Variants in ACVR1 observed in about 807,000 individuals in gnomAD.
ACVR1 encodes the protein activin A receptor type 1, also known as activin receptor type-1.
ACVR1 carries 38 observed loss-of-function variants against 57.1 expected under a neutral mutation model. The observed-to-expected ratio is 0.67, with a 90% CI of 0.51 to 0.87. ACVR1 has a LOEUF of 0.87. ACVR1 is among the 40% of genes least tolerant of loss of function. The pLI is 0.00. For missense variants in ACVR1, 463 were observed against 638.2 expected, an observed-to-expected ratio of 0.73 and a Z score of 2.96; for synonymous variants, 212 against 228.1, an observed-to-expected ratio of 0.93 and a Z score of 0.63.
At chr2:157,839,390 T>A (rs1391097888) in intron 1 of ACVR1, among the ~76,000 whole-genome samples, 1 of 152,232 alleles carries the variant, frequency 6.6e-6, no homozygotes, top group Non-Finnish European at 1.5e-5. Context: ...GGACAAATTA[T>A]ACAGCTTATG....
intron 2 of ACVR1, among the ~76,000 whole-genome samples, chr2:157,817,369 A>C (rs1414442522): frequency 1.3e-5 from 2 of 152,194 alleles, no homozygotes; most frequent in East Asian, 3.9e-4. Flanking sequence ...GTGATTGCCA[A>C]GGGCTAGTGG....
chr2:157,869,519 C>T (rs1248729186), intron 1 of ACVR1, among the ~76,000 whole-genome samples: 1 of 152,058 alleles, frequency 6.6e-6, no homozygotes, highest in East Asian at 1.9e-4. Flanking sequence ...AATTAAAAAG[C>T]ATTATAATAT....
At chr2:157,738,650 G>C in intron 9 of ACVR1, 80 bp from the exon 10 acceptor site, 1 of 1,589,746 alleles carries the variant, frequency 6.3e-7, no homozygotes. Flanking sequence ...GGTGTCACAG[G>C]TTATAATGTG....
chr2:157,802,924 C>A (rs1687379340), intron 2 of ACVR1, among the ~76,000 whole-genome samples: 1 of 152,094 alleles, frequency 6.6e-6, no homozygotes, highest in South Asian at 2.1e-4. Flanking sequence ...AATTAATCAA[C>A]TCAATTTAAG....
chr2:157,800,752 T>C (rs1022970022), intron 2 of ACVR1, among the ~76,000 whole-genome samples: 1 of 152,158 alleles, frequency 6.6e-6, no homozygotes, highest in Non-Finnish European at 1.5e-5. Flanking sequence ...ATCTTTCCTA[T>C]AGTGGATCCT....
At chr2:157,834,356 G>T (rs1302962222) in intron 1 of ACVR1, among the ~76,000 whole-genome samples, 1 of 152,002 alleles carries the variant, frequency 6.6e-6, no homozygotes, top group East Asian at 1.9e-4. Flanking sequence ...GCCTCCCAAA[G>T]TGCTAGGATT....
At chr2:157,870,773 CA>C (rs1218885769) in intron 1 of ACVR1, among the ~76,000 whole-genome samples, 1 of 152,120 alleles carries the variant, frequency 6.6e-6, no homozygotes, top group African/African-American at 2.4e-5. Context: ...GAAAAGAACA[CA>C]ATAAATGTTT....
rs373670847 is a variant in ACVR1, at chr2:157,737,379, C to T, written c.*152G>A. 1,531 of 1,026,622 alleles carry T rather than the reference C, an allele frequency of 1.5e-3. 29 individuals are homozygous for T. In the South Asian group the frequency reaches 0.019, roughly 13 times the overall value. The allele number at this position is 1,026,622 out of a possible 1,614,324, so 63.6% of individuals were successfully genotyped here. A position where few individuals can be genotyped will look rare whatever the true frequency, so the allele number is the denominator to read the frequency against. On this transcript the variant is annotated 3_prime_UTR_variant, in exon 11 of 11. Transcript: ENST00000434821. ...TAGGGTGGTTTTGATGTCTCCCCAACACATGGCTGGGTACGACGTCTGCCT... is the reference window on the plus strand; with the variant it reads ...TAGGGTGGTTTTGATGTCTCCCCAATACATGGCTGGGTACGACGTCTGCCT...
chr2:157,825,969 C>A (rs771828760), intron 1 of ACVR1, among the ~76,000 whole-genome samples: 3 of 152,172 alleles, frequency 2.0e-5, no homozygotes, highest in Non-Finnish European at 2.9e-5. Flanking sequence ...TGTGTACACC[C>A]CATTGCAGCA....
Position 157,856,218 on chromosome 2 carries a change from T to A in ACVR1, c.-183+19578A>T, listed in dbSNP as rs570970183. On this transcript the variant is annotated intron_variant, in intron 1 of 10. Transcript: ENST00000434821. ...AGCCTTCAGTTCCCCCACTAAGATA[T>A]CATCAGCTCTGCATTACTCCAATCT... Among the ~76,000 whole-genome samples the A allele has an allele frequency of 9.2e-5, 14 of 152,272 alleles. 1 individual carries two copies. The highest frequency in any genetic ancestry group is 7.8e-4 in the Admixed American group (12 of 15,290).
intron 9 of ACVR1, among the ~76,000 whole-genome samples, chr2:157,747,962 G>T (rs756588899): frequency 6.6e-6 from 1 of 152,194 alleles, no homozygotes; most frequent in Non-Finnish European, 1.5e-5. Flanking sequence ...CCAGTTAACA[G>T]TCTTGGTGAT....
intron 1 of ACVR1, among the ~76,000 whole-genome samples, chr2:157,858,147 T>C (rs952810932): frequency 3.3e-5 from 5 of 152,140 alleles, no homozygotes; most frequent in African/African-American, 1.2e-4. Flanking sequence ...ATGACTAACT[T>C]ACCAACAAAA....
chr2:157,835,556 A>G (rs1688754379), intron 1 of ACVR1, among the ~76,000 whole-genome samples: 1 of 152,138 alleles, frequency 6.6e-6, no homozygotes, highest in South Asian at 2.1e-4. Context: ...CAGTTCTTTG[A>G]CTTGTCTTTG....
Position 157,780,431 on chromosome 2 carries a change from C to T in ACVR1, c.237G>A (p.Met79Ile), listed in dbSNP as rs1403278698. 6.2e-7 allele frequency: 1 copy of T among 1,614,136 alleles called. No individual in the cohort carries two copies. The highest frequency in any genetic ancestry group is 8.5e-7 in the Non-Finnish European group (1 of 1,180,018). The change falls in exon 4 of 11, where the codon ATG (methionine) becomes ATA (isoleucine). Residue 79 changes from methionine to isoleucine, a missense_variant. Coordinates refer to ENST00000434821, the MANE Select transcript of ACVR1 (RefSeq NM_001111067.4). Reference sequence around the variant, plus strand: ...CAGGGGACGGCGGGGTCTTACAGGTCATCTTTCCCTGCTCATAAACCTGGA... The same window carrying T: ...CAGGGGACGGCGGGGTCTTACAGGTTATCTTTCCCTGCTCATAAACCTGGA... ...GCFQVYEQGKMTCKTPPSPGQ... is the reference protein window; with the variant it reads ...GCFQVYEQGKITCKTPPSPGQ...
chr2:157,836,921 T>C (rs1445056311), intron 1 of ACVR1, among the ~76,000 whole-genome samples: 1 of 152,200 alleles, frequency 6.6e-6, no homozygotes. Flanking sequence ...TTAGGTGGAA[T>C]AAATACCAGA....
rs1216799228 is a variant in ACVR1 at position 157,766,315 on chromosome 2, C to A, written c.791-119G>T. 5.8e-6 allele frequency: 6 copies of A among 1,026,916 alleles called. No individual in the cohort carries two copies. The East Asian group carries it at 1.5e-4, about 26-fold the overall frequency. 63.6% of individuals were successfully genotyped at this position (1,026,916 alleles called of 1,614,324 possible). A position where few individuals can be genotyped will look rare whatever the true frequency, so the allele number is the denominator to read the frequency against. ...TGTAACAAAAAGTAATTAAACTGACCAATTGCCCTAAGAGGAGGTTTACAG... is the reference window on the plus strand; with the variant it reads ...TGTAACAAAAAGTAATTAAACTGACAAATTGCCCTAAGAGGAGGTTTACAG... On this transcript the variant is annotated intron_variant, in intron 7 of 10. Transcript: ENST00000434821.
At chr2:157,841,897 G>GGC (rs1244108896) in intron 1 of ACVR1, among the ~76,000 whole-genome samples, 1 of 151,740 alleles carries the variant, frequency 6.6e-6, no homozygotes, top group Admixed American at 6.6e-5. Context: ...CGTTGTGGCA[G>GGC]GCGCCTGTAG....
chr2:157,844,914 C>T (rs1488589428), intron 1 of ACVR1, among the ~76,000 whole-genome samples: 1 of 152,178 alleles, frequency 6.6e-6, no homozygotes, highest in Admixed American at 6.5e-5. Flanking sequence ...ATCTTTGAAG[C>T]AGAGTGAGCC....
intron 1 of ACVR1, among the ~76,000 whole-genome samples, chr2:157,844,976 T>C (rs972935995): frequency 3.3e-5 from 5 of 152,204 alleles, no homozygotes; most frequent in African/African-American, 1.2e-4. Context: ...CCTCCAGAAC[T>C]GTAAGCAATA....
Sources: gnomAD v4.1 joint callset for allele counts (sites outside exome capture counted in the v4.1 genomes callset) on GRCh38, gnomAD v4.1.1 for gene constraint, MANE v1.5 for transcripts, NCBI Gene and HGNC (gene_info 2026-07-23, HGNC 2026-07-21) for gene names.